Variants in EIF4G1 observed in about 807,000 individuals in gnomAD.
The protein encoded by EIF4G1 is eukaryotic translation initiation factor 4 gamma 1, also known as EIF4-gamma.
In EIF4G1, 4 loss-of-function variants were observed where a neutral mutation model predicts 187.8. The observed-to-expected ratio is 0.02, with a 90% CI of 0.01 to 0.05. EIF4G1 has a LOEUF of 0.05. Among genes scored for constraint, EIF4G1 ranks in the 10% least tolerant of loss-of-function variants. EIF4G1 has a pLI of 1.00. For missense variants in EIF4G1, 1,647 were observed against 2,081.1 expected, an observed-to-expected ratio of 0.79 and a Z score of 4.06; for synonymous variants, 844 against 781.4, an observed-to-expected ratio of 1.08 and a Z score of -1.34.
chr3:184,321,173 A>G, intron 9 of EIF4G1, 109 bp from the exon 10 acceptor site: 1 of 1,522,606 alleles, frequency 6.6e-7, no homozygotes, highest in Non-Finnish European at 9.1e-7. Context: ...GGTGGGGAGA[A>G]GATGATGCGG....
chr3:184,323,657 C>G lies in EIF4G1; in HGVS notation c.2274+64C>G. The G allele has an allele frequency of 6.2e-7, 1 of 1,611,780 alleles. No homozygotes were observed. The highest frequency in any genetic ancestry group is 8.5e-7 in the Non-Finnish European group (1 of 1,179,316). On this transcript the variant is annotated intron_variant, in intron 15 of 32. Transcript: ENST00000346169. This position sits in a 1 kb window ranked among gnomAD's most constrained non-coding sequence, Gnocchi z 6.9. ...TCTCCAGGTCTGCCATCTGTGCCCT[C>G]TTTGCTTCTTTTTGTCCTTATCACT...
In EIF4G1 at chr3:184,335,122, G is replaced by A; in HGVS notation, c.*214G>A. ...CAGGTGTCCCTCTCCTCCCCCTGGG[G>A]CACAGAGATATATTATATATAAAGT... On this transcript the variant is annotated 3_prime_UTR_variant, in exon 33 of 33. Coordinates refer to ENST00000346169, the MANE Select transcript of EIF4G1 (RefSeq NM_198241.3). 1.6e-6 allele frequency: 1 copy of A among 609,376 alleles called. No individual in the cohort carries two copies. The highest frequency in any genetic ancestry group is 2.9e-6 in the Non-Finnish European group (1 of 345,964). The allele number at this position is 609,376 out of a possible 1,614,324, so 37.7% of individuals were successfully genotyped here.
At position 184,315,757 on chromosome 3, in the gene EIF4G1, C is replaced by T. The variant is rs1722657060; in HGVS notation, c.-34-6C>T. Reference sequence around the variant, plus strand: ...CCTCTTCCTGAGCGCCACTCTTTCCCAACAGGTGCTGGGGGGACCCTGATG... The same window carrying T: ...CCTCTTCCTGAGCGCCACTCTTTCCTAACAGGTGCTGGGGGGACCCTGATG... On this transcript the variant is annotated splice_polypyrimidine_tract_variant and splice_region_variant and intron_variant, in intron 2 of 32. Transcript: ENST00000346169. 9 of 1,550,272 alleles carry T rather than the reference C, an allele frequency of 5.8e-6. No individual in the cohort carries two copies. The highest frequency in any genetic ancestry group is 2.4e-5 in the East Asian group (1 of 40,918).
In EIF4G1 at chr3:184,322,353, T is replaced by C; in HGVS notation, c.1520-9T>C. The C allele has an allele frequency of 1.2e-6, 2 of 1,612,412 alleles. No individual in the cohort carries two copies. The highest frequency in any genetic ancestry group is 1.3e-5 in the African/African-American group (1 of 74,998). ...AGATCCATGCTTTTATTTATTTATT[T>C]TTAATTAGTGGCAGTATCTGTGCCA... On this transcript the variant is annotated splice_polypyrimidine_tract_variant and intron_variant, in intron 10 of 32. Coordinates refer to ENST00000346169, the MANE Select transcript of EIF4G1 (RefSeq NM_198241.3).
chr3:184,327,533 T>C, intron 24 of EIF4G1, 53 bp from the exon 25 acceptor site: 1 of 1,613,016 alleles, frequency 6.2e-7, no homozygotes, highest in Non-Finnish European at 8.5e-7. Flanking sequence ...GCTCCAAATC[T>C]TGTTTGCTGG....
Position 184,331,964 on chromosome 3 carries a change from T to C in EIF4G1, c.4496T>C (p.Val1499Ala). Residue 1499 changes from valine to alanine, a missense_variant, in exon 32 of 33, where the codon GTG becomes GCG. Val to Ala is a moderately conservative substitution (Grantham distance 64, BLOSUM62 0). Around this residue, in one of 11 missense-constraint regions of EIF4G1, gnomAD observed 543 missense variants for 638.0 expected, o/e 0.85. Coordinates refer to ENST00000346169, the MANE Select transcript of EIF4G1 (RefSeq NM_198241.3). ...CTTGTAGTTGAGACTCCCCTCCGAG[T>C]GGACGTTGCAGTGCTGAAAGCGCGA... ...SAIIFETPLR[V>A]DVAVLKARAK... 6.2e-7 allele frequency: 1 copy of C among 1,614,128 alleles called. No individual in the cohort carries two copies. Among genetic ancestry groups the C allele is most frequent in the Non-Finnish European group, 8.5e-7 (1 of 1,180,020 alleles).
At chr3:184,333,038 G>A (rs1726435196) in intron 32 of EIF4G1, among the ~76,000 whole-genome samples, 1 of 152,206 alleles carries the variant, frequency 6.6e-6, no homozygotes, top group Non-Finnish European at 1.5e-5. Context: ...GAGTGGATGT[G>A]GCAGTGTTAG....
Position 184,331,500 on chromosome 3 carries a change from C to T in EIF4G1, c.4289C>T (p.Ser1430Leu), listed in dbSNP as rs375395016. 160 of 1,614,146 alleles carry T rather than the reference C, an allele frequency of 9.9e-5. No homozygotes were observed. The highest frequency in any genetic ancestry group is 1.2e-4 in the Non-Finnish European group (144 of 1,180,030). Residue 1430 changes from serine to leucine, a missense_variant, in exon 30 of 33, where the codon TCG becomes TTG. Coordinates refer to ENST00000346169, the MANE Select transcript of EIF4G1 (RefSeq NM_198241.3). ...GTGGAGTATACCCTGGGAGAGGAGT[C>T]GGAAGCCCCTGGCCAGAGGGCACTC... Reference protein sequence around the residue: ...QKVEYTLGEESEAPGQRALPS... With the variant: ...QKVEYTLGEELEAPGQRALPS...
In EIF4G1 at chr3:184,323,620, C is replaced by T; in HGVS notation, c.2274+27C>T. On this transcript the variant is annotated intron_variant, in intron 15 of 32. Transcript: ENST00000346169. This position sits in a 1 kb window ranked among gnomAD's most constrained non-coding sequence, Gnocchi z 6.9. ...TACTGGCAAGTCCTGCTTTTGGTCTCTCTCCATTTCTTCTCCAGGTCTGCC... is the reference window on the plus strand; with the variant it reads ...TACTGGCAAGTCCTGCTTTTGGTCTTTCTCCATTTCTTCTCCAGGTCTGCC... The T allele has an allele frequency of 3.7e-6, 6 of 1,613,558 alleles. No individual in the cohort carries two copies. The highest frequency in any genetic ancestry group is 5.1e-6 in the Non-Finnish European group (6 of 1,179,976).
intron 32 of EIF4G1, among the ~76,000 whole-genome samples, chr3:184,332,500 A>G (rs1458330369): frequency 6.6e-6 from 1 of 152,182 alleles, no homozygotes; most frequent in Non-Finnish European, 1.5e-5. Flanking sequence ...CTCAGTGAAC[A>G]TGTCTCAGGT....
chr3:184,317,296 C>T (rs374124401), intron 4 of EIF4G1, 25 bp from the exon 5 acceptor site: 12 of 1,613,386 alleles, frequency 7.4e-6, no homozygotes, highest in African/African-American at 1.3e-5. Flanking sequence ...TTTACAATGC[C>T]AACTGCTTTC....
rs1258971289 is a variant in EIF4G1 at position 184,325,265 on chromosome 3, C to G, written c.2857-4C>G. 1 of 1,614,168 alleles carries G rather than the reference C, an allele frequency of 6.2e-7. No homozygotes were observed. The highest frequency in any genetic ancestry group is 2.2e-5 in the East Asian group (1 of 44,878). Reference sequence around the variant, plus strand: ...TCCTGGTCTGATGCCTTTCTCCTTCCTAGCCCCGAATGGATCAGTATTTCA... The same window carrying G: ...TCCTGGTCTGATGCCTTTCTCCTTCGTAGCCCCGAATGGATCAGTATTTCA... On this transcript the variant is annotated splice_polypyrimidine_tract_variant and splice_region_variant and intron_variant, in intron 18 of 32. Coordinates refer to ENST00000346169, the MANE Select transcript of EIF4G1 (RefSeq NM_198241.3). This position sits in a 1 kb window ranked among gnomAD's most constrained non-coding sequence, Gnocchi z 5.2.
Position 184,321,274 on chromosome 3 carries a change from T to C in EIF4G1, c.698-8T>C. ...TTTAGTTGCTCATTCTTCCTTCCTA[T>C]GGTGCAGATGACCGGTCACAGGGAG... On this transcript the variant is annotated splice_polypyrimidine_tract_variant and splice_region_variant and intron_variant, in intron 9 of 32. Transcript: ENST00000346169. The C allele has an allele frequency of 6.2e-7, 1 of 1,614,112 alleles. No individual in the cohort carries two copies.
intron 28 of EIF4G1, 119 bp from the exon 29 acceptor site, chr3:184,331,147 A>G (rs1278114612): frequency 9.3e-7 from 1 of 1,072,352 alleles, no homozygotes; most frequent in African/African-American, 1.6e-5. Context: ...TAGCATCCTT[A>G]ATGCCTAGCA....
chr3:184,328,542 C>T, intron 26 of EIF4G1, 89 bp from the exon 27 acceptor site: 4 of 1,584,868 alleles, frequency 2.5e-6, no homozygotes, highest in South Asian at 1.1e-5. Flanking sequence ...CTGGGGGTTC[C>T]ATAGTTGATG....
rs1278664037 is a variant in EIF4G1 at position 184,323,485 on chromosome 3, C to T, written c.2166C>T (p.Thr722=). 9.9e-6 allele frequency: 16 copies of T among 1,613,998 alleles called. No homozygotes were observed. The highest frequency in any genetic ancestry group is 2.2e-5 in the East Asian group (1 of 44,888). The change falls in exon 15 of 33, where the codon ACC becomes ACT. Residue 722 remains threonine (T), a synonymous_variant. Coordinates refer to ENST00000346169, the MANE Select transcript of EIF4G1 (RefSeq NM_198241.3). This position sits in a 1 kb window ranked among gnomAD's most constrained non-coding sequence, Gnocchi z 6.9. ...PRKIIATVLM[T]EDIKLNKAEK... ...AGATCATTGCCACAGTGTTAATGAC[C>T]GAAGATATAAAACTGAACAAAGCAG...
Position 184,322,100 on chromosome 3 carries a change from CAAGGT to C in EIF4G1, c.1519+3_1519+7del, listed in dbSNP as rs1274572709. On this transcript the variant is annotated splice_donor_variant and coding_sequence_variant, in exon 10 of 33. Coordinates refer to ENST00000346169, the MANE Select transcript of EIF4G1 (RefSeq NM_198241.3). LOFTEE classifies it high-confidence loss of function. ...GAATTTGGAGGCAGCAGCAGCCACTCAAGGTAAGGTGTGGTTGGACGGTAGAGGTA... is the reference window on the plus strand; with the variant it reads ...GAATTTGGAGGCAGCAGCAGCCACTCAAGGTGTGGTTGGACGGTAGAGGTA... 3.1e-6 allele frequency: 5 copies of C among 1,613,944 alleles called. No individual in the cohort carries two copies. Among genetic ancestry groups the C allele is most frequent in the Non-Finnish European group, 4.2e-6 (5 of 1,180,038 alleles).
intron 23 of EIF4G1, 39 bp from the exon 24 acceptor site, chr3:184,327,177 C>T: frequency 6.2e-7 from 1 of 1,608,794 alleles, no homozygotes; most frequent in Non-Finnish European, 8.5e-7. Flanking sequence ...AGTGCCTGGG[C>T]AGTGCAAGTG....
intron 28 of EIF4G1, among the ~76,000 whole-genome samples, chr3:184,329,808 G>A (rs949750267): frequency 1.3e-5 from 2 of 152,164 alleles, no homozygotes; most frequent in African/African-American, 2.4e-5. Context: ...GGTAACTAGC[G>A]AATATAAAGG....
Sources: gnomAD v4.1 joint callset for allele counts (sites outside exome capture counted in the v4.1 genomes callset) on GRCh38, gnomAD v4.1.1 for gene constraint, gnomAD v4.1.1 regional missense constraint, Gnocchi (gnomAD v3.1) non-coding constraint, MANE v1.5 for transcripts, NCBI Gene and HGNC (gene_info 2026-07-23, HGNC 2026-07-21) for gene names.